The following PCDHA10 variants were observed in gnomAD, a reference collection of about 807,000 sequenced individuals.
PCDHA10 encodes protocadherin alpha-10.
A neutral mutation model predicts 61.2 loss-of-function variants in PCDHA10; 45 were observed. The ratio of observed to expected loss-of-function variants is 0.74; its 90% CI spans 0.58 to 0.94. The LOEUF is 0.94. Among genes scored for constraint, PCDHA10 ranks in the 40% least tolerant of loss-of-function variants. PCDHA10 has a pLI of 0.00. For missense variants in PCDHA10, 1,278 were observed against 1,236.2 expected (o/e 1.03, Z -0.51); for synonymous variants, 602 against 548.8 (o/e 1.10, Z -1.35).
chr5:140,895,720 C>A (rs1473250558), intron 1 of PCDHA10, among the ~76,000 whole-genome samples: 2 of 152,136 alleles, frequency 1.3e-5, no homozygotes, highest in African/African-American at 4.8e-5. Flanking sequence ...ATGGCCTGCA[C>A]CTCCATTCAA....
At chr5:141,003,616 G>A (rs1360535833) in intron 3 of PCDHA10, among the ~76,000 whole-genome samples, 1 of 152,132 alleles carries the variant, frequency 6.6e-6, no homozygotes, top group African/African-American at 2.4e-5. Flanking sequence ...CCCGGCCCCA[G>A]AGGGCAGTTT....
At chr5:140,875,342 A>T in intron 1 of PCDHA10, 1 of 1,443,152 alleles carries the variant, frequency 6.9e-7, no homozygotes, top group Non-Finnish European at 9.1e-7. Flanking sequence ...GATCGACTCC[A>T]TAATGACTGT....
rs2093299605 is a variant in PCDHA10 at position 140,942,442 on chromosome 5, TA to T, written c.2389-36504del. 4.0e-5 allele frequency among the ~76,000 whole-genome samples: 6 copies of T among 151,626 alleles called. No homozygotes were observed. In the South Asian group the frequency reaches 1.2e-3, roughly 31 times the overall value. ...AAAAAGATATCTAACAATAAACAAG[TA>T]AACTATCAATTATAATACAATCAAA... On this transcript the variant is annotated intron_variant, in intron 1 of 3. Coordinates refer to ENST00000307360, the MANE Select transcript of PCDHA10 (RefSeq NM_018901.4).
At chr5:140,902,313 C>T (rs2069368502) in intron 1 of PCDHA10, among the ~76,000 whole-genome samples, 1 of 150,820 alleles carries the variant, frequency 6.6e-6, no homozygotes, top group African/African-American at 2.4e-5. Context: ...GCTGGGATTA[C>T]AGGTGTAACT....
rs375103611 is a variant in PCDHA10 at position 140,888,367 on chromosome 5, A to G, written c.2388+29931A>G. ...AGGGAATTGCTACTGGCATCTAATAATGGAGCTCTGAGATGCTGCTAAACA... is the reference window on the plus strand; with the variant it reads ...AGGGAATTGCTACTGGCATCTAATAGTGGAGCTCTGAGATGCTGCTAAACA... On this transcript the variant is annotated intron_variant, in intron 1 of 3. Coordinates refer to ENST00000307360, the MANE Select transcript of PCDHA10 (RefSeq NM_018901.4). 3.2e-4 allele frequency among the ~76,000 whole-genome samples: 49 copies of G among 152,322 alleles called. 1 individual carries two copies. In the East Asian group the frequency reaches 7.7e-3, roughly 24 times the overall value.
At chr5:140,941,259 T>TTCTTTCTTTCTTTCTTTC (rs2092988682) in intron 1 of PCDHA10, among the ~76,000 whole-genome samples, 1 of 121,734 alleles carries the variant, frequency 8.2e-6, no homozygotes, top group Non-Finnish European at 1.8e-5. Flanking sequence ...TTCTTTCTCT[T>TTCTTTCTTTCTTTCTTTC]TCTTTCTTTC....
intron 1 of PCDHA10, chr5:140,862,471 C>A (rs1000381603): frequency 1.5e-4 from 55 of 374,462 alleles, no homozygotes; most frequent in Non-Finnish European, 2.7e-4. Context: ...GAGAGCAAAT[C>A]TATCCATTGT....
At chr5:140,938,055 T>C (rs1475337267) in intron 1 of PCDHA10, among the ~76,000 whole-genome samples, 1 of 152,232 alleles carries the variant, frequency 6.6e-6, no homozygotes, top group African/African-American at 2.4e-5. Flanking sequence ...TTTCTACATA[T>C]ACTGTCATGC....
intron 1 of PCDHA10, among the ~76,000 whole-genome samples, chr5:140,946,757 C>T (rs1179265601): frequency 6.6e-6 from 1 of 151,268 alleles, no homozygotes; most frequent in Non-Finnish European, 1.5e-5. Context: ...ACTGCATGAT[C>T]TCATTCATGT....
chr5:141,008,526 G>A (rs2153997518), intron 3 of PCDHA10, among the ~76,000 whole-genome samples: 1 of 152,126 alleles, frequency 6.6e-6, no homozygotes, highest in Non-Finnish European at 1.5e-5. Flanking sequence ...TCAGACTCTT[G>A]GGAATGTCTT....
chr5:140,860,034 A>G (rs1356064800), intron 1 of PCDHA10: 3 of 150,432 alleles, frequency 2.0e-5, no homozygotes, highest in Non-Finnish European at 3.0e-5. Context: ...CACACCTGTA[A>G]TCCCAGCATT....
At chr5:140,980,494 A>T (rs868915196) in intron 2 of PCDHA10, among the ~76,000 whole-genome samples, 1 of 152,106 alleles carries the variant, frequency 6.6e-6, no homozygotes, top group African/African-American at 2.4e-5. Context: ...GCTGGGCGTG[A>T]TGGCATGTGC....
intron 1 of PCDHA10, chr5:140,863,519 A>G (rs1309854310): frequency 7.5e-6 from 3 of 400,164 alleles, no homozygotes; most frequent in Non-Finnish European, 1.5e-5. Context: ...GTGTTCTCCC[A>G]TGGTTCAGAT....
intron 1 of PCDHA10, among the ~76,000 whole-genome samples, chr5:140,889,342 A>G (rs1418641372): frequency 6.6e-6 from 1 of 152,018 alleles, no homozygotes; most frequent in East Asian, 1.9e-4. Context: ...GATTGGTGGG[A>G]ATATTTCTGA....
chr5:140,877,760 G>T, intron 1 of PCDHA10: 1 of 1,614,194 alleles, frequency 6.2e-7, no homozygotes, highest in Non-Finnish European at 8.5e-7. Flanking sequence ...TCTGCAGAGA[G>T]CCCGCCCAAG....
chr5:140,919,926 TG>T (rs1366281727), intron 1 of PCDHA10, among the ~76,000 whole-genome samples: 3 of 152,088 alleles, frequency 2.0e-5, no homozygotes, highest in African/African-American at 7.2e-5. Flanking sequence ...AATTTTCAGG[TG>T]GGGGCTAATT....
chr5:140,994,377 G>C (rs1260163825), intron 3 of PCDHA10, among the ~76,000 whole-genome samples: 3 of 152,098 alleles, frequency 2.0e-5, no homozygotes, highest in Non-Finnish European at 4.4e-5. Context: ...GGAAATTCAG[G>C]GGACTAAGTC....
intron 1 of PCDHA10, chr5:140,883,493 C>T (rs1554178441): frequency 6.2e-7 from 1 of 1,614,174 alleles, no homozygotes; most frequent in Non-Finnish European, 8.5e-7. Flanking sequence ...CTCATTAGTG[C>T]TGGACAGCGC....
At chr5:140,858,510 T>A (rs565313627) in intron 1 of PCDHA10, 74 bp downstream of exon 1, 1 of 1,437,158 alleles carries the variant, frequency 7.0e-7, no homozygotes. Context: ...TTCTCAAATA[T>A]GTATCAGAAT....
Sources: gnomAD v4.1 joint callset for allele counts (sites outside exome capture counted in the v4.1 genomes callset) on GRCh38, gnomAD v4.1.1 for gene constraint, MANE v1.5 for transcripts, NCBI Gene and HGNC (gene_info 2026-07-23, HGNC 2026-07-21) for gene names.